Variants in MTREX observed in about 807,000 individuals in gnomAD.
MTREX encodes the protein exosome RNA helicase MTR4.
A neutral mutation model predicts 135.4 loss-of-function variants in MTREX; 76 were observed. The ratio of observed to expected loss-of-function variants is 0.56; its 90% CI spans 0.47 to 0.68. The LOEUF is 0.68. Among genes scored for constraint, MTREX ranks in the 30% least tolerant of loss-of-function variants. MTREX has a pLI of 0.00. For synonymous variants in MTREX, 404 were observed against 401.6 expected (o/e 1.01, Z -0.07); for missense variants, 920 against 1,262.1 (o/e 0.73, Z 4.11).
intron 1 of MTREX, among the ~76,000 whole-genome samples, chr5:55,310,474 G>A (rs1052860181): frequency 1.3e-5 from 2 of 152,178 alleles, no homozygotes. Flanking sequence ...CATGCCTGGT[G>A]GCAGGCGCCT....
intron 1 of MTREX, among the ~76,000 whole-genome samples, chr5:55,314,276 C>T (rs1749163750): frequency 1.3e-5 from 2 of 152,172 alleles, no homozygotes; most frequent in South Asian, 2.1e-4. Flanking sequence ...CAATGACAGT[C>T]CCCCAGTGAT....
At chr5:55,338,811 GAC>G (rs1491521036) in intron 5 of MTREX, among the ~76,000 whole-genome samples, 34 of 69,392 alleles carry the variant, frequency 4.9e-4, no homozygotes, top group South Asian at 2.3e-3. Context: ...TTTTTTTTGA[GAC>G]ACAGTCTCAC....
In MTREX at chr5:55,382,272, G is replaced by A. The variant is rs116681250; in HGVS notation, c.2052+3077G>A. On this transcript the variant is annotated intron_variant, in intron 18 of 26. Coordinates refer to ENST00000230640, the MANE Select transcript of MTREX (RefSeq NM_015360.5). ...TTGTATCATGTGAATTTTTTCTAAT[G>A]TGGCATTTTAATTTTTTAAAGATTT... Among the ~76,000 whole-genome samples, 435 of 151,938 alleles carry A rather than the reference G, an allele frequency of 2.9e-3. 1 individual carries two copies. Among genetic ancestry groups the A allele is most frequent in the African/African-American group, 1.0e-2 (413 of 41,442 alleles).
intron 22 of MTREX, 64 bp downstream of exon 22, chr5:55,405,652 T>G: frequency 6.9e-7 from 1 of 1,451,056 alleles, no homozygotes; most frequent in South Asian, 1.4e-5. Flanking sequence ...TAATTTTTGT[T>G]TATTTTTTTT....
chr5:55,422,920 G>A lies in MTREX; in HGVS notation c.3014G>A (p.Arg1005Gln), dbSNP rs756643194. 4 of 1,613,962 alleles carry A rather than the reference G, an allele frequency of 2.5e-6. No individual in the cohort carries two copies. Among genetic ancestry groups the A allele is most frequent in the Non-Finnish European group, 3.4e-6 (4 of 1,179,950 alleles). ...ATGAGGCGCCTGGAAGAATTGCTTC[G>A]ACAAATGTGTCAAGCAGCAAAAGCC... Reference protein sequence around the residue: ...RCMRRLEELLRQMCQAAKAIG... With the variant: ...RCMRRLEELLQQMCQAAKAIG... Residue 1005 changes from arginine (R) to glutamine (Q), a missense_variant, in exon 26 of 27, where the codon CGA becomes CAA. Around this residue, in one of 6 missense-constraint regions of MTREX, gnomAD observed 467 missense variants for 589.7 expected, o/e 0.79. Coordinates refer to ENST00000230640, the MANE Select transcript of MTREX (RefSeq NM_015360.5).
intron 18 of MTREX, among the ~76,000 whole-genome samples, chr5:55,383,592 T>C (rs1328095247): frequency 2.0e-5 from 3 of 152,228 alleles, no homozygotes; most frequent in Non-Finnish European, 2.9e-5. Flanking sequence ...CTTGCTGCTT[T>C]AAGATTTTCT....
Position 55,347,063 on chromosome 5 carries a change from C to T in MTREX, c.1159C>T (p.Gln387Ter). The change falls in exon 11 of 27, where the codon CAA (glutamine) becomes TAA (stop). Residue 387 changes from glutamine (Q) to a stop codon, truncating the protein, a stop_gained. Coordinates refer to ENST00000230640, the MANE Select transcript of MTREX (RefSeq NM_015360.5). LOFTEE classifies it high-confidence loss of function. ...IVKMIMERNFQPVIIFSFSKK... is the reference protein window; with the variant it reads ...IVKMIMERNF ...GAAGATGATTATGGAAAGAAATTTCCAACCTGTGATTATTTTCAGTTTTAG... is the reference window on the plus strand; with the variant it reads ...GAAGATGATTATGGAAAGAAATTTCTAACCTGTGATTATTTTCAGTTTTAG... The T allele has an allele frequency of 6.2e-7, 1 of 1,609,826 alleles. No homozygotes were observed. Among genetic ancestry groups the T allele is most frequent in the Non-Finnish European group, 8.5e-7 (1 of 1,178,546 alleles).
At chr5:55,419,811 G>C (rs529827332) in intron 25 of MTREX, among the ~76,000 whole-genome samples, 4 of 151,980 alleles carry the variant, frequency 2.6e-5, no homozygotes, top group Admixed American at 6.6e-5. Flanking sequence ...TGCTCCCTCT[G>C]TATGCCACAT....
At chr5:55,349,034 C>T (rs1176759471) in intron 11 of MTREX, among the ~76,000 whole-genome samples, 2 of 151,948 alleles carry the variant, frequency 1.3e-5, no homozygotes, top group African/African-American at 4.8e-5. Flanking sequence ...GTTATTGTTA[C>T]TATTTTTGTA....
At chr5:55,408,009 TACC>T (rs1157478506) in intron 22 of MTREX, among the ~76,000 whole-genome samples, 1 of 152,038 alleles carries the variant, frequency 6.6e-6, no homozygotes, top group Non-Finnish European at 1.5e-5. Flanking sequence ...CCGCCCACCT[TACC>T]ACCCAAATTG....
intron 2 of MTREX, among the ~76,000 whole-genome samples, chr5:55,322,812 G>A (rs139275092): frequency 5.8e-4 from 89 of 152,296 alleles, no homozygotes; most frequent in African/African-American, 2.0e-3. Flanking sequence ...TCAGTGGAAG[G>A]AATAAGTGGG....
intron 14 of MTREX, chr5:55,357,487 G>C (rs1413262443): frequency 6.4e-6 from 1 of 156,140 alleles, no homozygotes; most frequent in Non-Finnish European, 1.4e-5. Context: ...AGACATCGTT[G>C]GATGGCTAGG....
chr5:55,423,959 G>A (rs1420769407), intron 26 of MTREX: 1 of 151,958 alleles, frequency 6.6e-6, no homozygotes, highest in Non-Finnish European at 1.5e-5. Context: ...AGGTGTCAAA[G>A]TTTTAAAAAT....
At chr5:55,334,033 C>T (rs144267385) in intron 5 of MTREX, among the ~76,000 whole-genome samples, 3 of 152,238 alleles carry the variant, frequency 2.0e-5, no homozygotes, top group Admixed American at 2.0e-4. Context: ...AGTGCTGATA[C>T]ATGCTTGAAA....
chr5:55,327,907 A>C (rs1749409657), intron 4 of MTREX, 129 bp downstream of exon 4: 1 of 612,816 alleles, frequency 1.6e-6, no homozygotes, highest in African/African-American at 1.8e-5. Context: ...AAGCCAACTA[A>C]AGACAAATAT....
intron 10 of MTREX, among the ~76,000 whole-genome samples, chr5:55,345,734 T>A (rs1749722446): frequency 8.0e-6 from 1 of 124,678 alleles, no homozygotes; most frequent in Admixed American, 8.0e-5. Flanking sequence ...TGGTGCTGTC[T>A]TGGCTCATTG....
At chr5:55,395,804 C>T (rs1303329315) in intron 19 of MTREX, among the ~76,000 whole-genome samples, 1 of 152,124 alleles carries the variant, frequency 6.6e-6, no homozygotes, top group Non-Finnish European at 1.5e-5. Context: ...AACCTATATT[C>T]TTTTTAAAAA....
intron 3 of MTREX, 99 bp from the exon 4 acceptor site, chr5:55,327,617 C>G (rs1371266124): frequency 2.3e-6 from 2 of 876,224 alleles, no homozygotes; most frequent in East Asian, 2.4e-5. Context: ...TCTAGTTCAT[C>G]AGTTTTATTT....
At chr5:55,309,481 G>C (rs1057056721) in intron 1 of MTREX, among the ~76,000 whole-genome samples, 1 of 152,070 alleles carries the variant, frequency 6.6e-6, no homozygotes, top group Non-Finnish European at 1.5e-5. Flanking sequence ...CAGTGGCAGA[G>C]GAATGGAAAG....
Sources: allele counts gnomAD v4.1 joint callset (sites outside exome capture counted in the v4.1 genomes callset), GRCh38; gene constraint gnomAD v4.1.1; regional missense constraint gnomAD v4.1.1; transcripts MANE v1.5; gene names NCBI Gene and HGNC (gene_info 2026-07-23, HGNC 2026-07-21).